Variants in SETD5 observed in about 807,000 individuals in gnomAD.
SETD5 encodes the protein histone-lysine N-methyltransferase SETD5.
In SETD5, 44 loss-of-function variants were observed where a neutral mutation model predicts 153.3. That is an observed-to-expected ratio of 0.29 (90% CI 0.23 to 0.37). The LOEUF (loss-of-function observed/expected upper bound fraction) is 0.37, where lower values mean the gene tolerates loss of function less well. Among genes scored for constraint, SETD5 ranks in the 10% least tolerant of loss-of-function variants. SETD5 has a pLI of 1.00. For missense variants in SETD5, 1,544 were observed against 1,768.0 expected (o/e 0.87, Z 2.27); for synonymous variants, 716 against 645.2 (o/e 1.11, Z -1.66).
At chr3:9,417,503 C>T (rs78470224) in intron 1 of SETD5, among the ~76,000 whole-genome samples, 8 of 150,452 alleles carry the variant, frequency 5.3e-5, no homozygotes, top group African/African-American at 2.0e-4. Context: ...TTTTTCCCCC[C>T]GAGACGGAGT....
intron 3 of SETD5, chr3:9,432,454 T>A (rs938457806): frequency 2.2e-5 from 5 of 226,230 alleles, no homozygotes; most frequent in Non-Finnish European, 3.7e-5. Context: ...AAAAATGACT[T>A]GTTATTTCAA....
chr3:9,459,288 C>A (rs997620749), intron 17 of SETD5, among the ~76,000 whole-genome samples: 8 of 151,944 alleles, frequency 5.3e-5, no homozygotes, highest in Admixed American at 1.3e-4. Flanking sequence ...AATTCCAACC[C>A]CAGGAATGGT....
intron 1 of SETD5, among the ~76,000 whole-genome samples, chr3:9,414,496 C>G (rs1263480585): frequency 6.6e-6 from 1 of 152,096 alleles, no homozygotes; most frequent in Non-Finnish European, 1.5e-5. Flanking sequence ...GGTGAAAGGG[C>G]CTTTCTAGAG....
rs745609275 is a variant in SETD5 at position 9,477,489 on chromosome 3, A to G, written c.*1398A>G. On this transcript the variant is annotated 3_prime_UTR_variant, in exon 23 of 23. Coordinates refer to ENST00000402198, the MANE Select transcript of SETD5 (RefSeq NM_001080517.3). ...AGTGGACCTTCTTTTCTTTTGGACA[A>G]GATAATACTGTGAGTTTCCCTCCTT... is the stretch of plus-strand genomic sequence containing the variant. The G allele has an allele frequency of 3.3e-5, 5 of 152,512 alleles. No homozygotes were observed. The highest frequency in any genetic ancestry group is 5.9e-5 in the Non-Finnish European group (4 of 68,046). The allele number at this position is 152,512 out of a possible 1,614,324, so 9.4% of individuals were successfully genotyped here. A position where few individuals can be genotyped will look rare whatever the true frequency, so the allele number is the denominator to read the frequency against.
At position 9,447,305 on chromosome 3, in the gene SETD5, G is replaced by A. The variant is rs2042131524; in HGVS notation, c.1780G>A (p.Gly594Arg). ...GVNTRRSSQA[G>R]DIAAEKLVPK... Reference sequence around the variant, plus strand: ...GAATACCCGGAGGTCTTCCCAAGCAGGGGTAAGAGTTGAAAAGACTTCAGC... The same window carrying A: ...GAATACCCGGAGGTCTTCCCAAGCAAGGGTAAGAGTTGAAAAGACTTCAGC... Residue 594 changes from glycine to arginine, a missense_variant and splice_region_variant, in exon 14 of 23, where the codon GGG becomes AGG. This residue lies in a region of SETD5 where 782 missense variants were observed against 787.2 expected (regional missense o/e 0.99). Coordinates refer to ENST00000402198, the MANE Select transcript of SETD5 (RefSeq NM_001080517.3). The A allele has an allele frequency of 6.2e-7, 1 of 1,611,606 alleles. No homozygotes were observed. Among genetic ancestry groups the A allele is most frequent in the African/African-American group, 1.3e-5 (1 of 74,736 alleles).
intron 17 of SETD5, among the ~76,000 whole-genome samples, chr3:9,462,835 A>G (rs1043459870): frequency 4.6e-5 from 7 of 152,160 alleles, no homozygotes; most frequent in South Asian, 2.1e-4. Context: ...TGGGGATGAT[A>G]ATAATAGTGC....
intron 18 of SETD5, among the ~76,000 whole-genome samples, chr3:9,467,720 T>TA (rs1015842464): frequency 3.9e-5 from 6 of 152,118 alleles, no homozygotes; most frequent in Non-Finnish European, 8.8e-5. Context: ...CCCATTTACA[T>TA]CTTTCCATTA....
intron 17 of SETD5, among the ~76,000 whole-genome samples, chr3:9,454,622 CAAAAAAAAAAAAA>C (rs67028533): frequency 2.9e-4 from 17 of 58,032 alleles, no homozygotes; most frequent in South Asian, 2.5e-3. Context: ...AACTCCGTCT[CAAAAAAAAAAAAA>C]AAAAAAAAAA....
chr3:9,461,752 C>G (rs540410339), intron 17 of SETD5, among the ~76,000 whole-genome samples: 72 of 152,174 alleles, frequency 4.7e-4, no homozygotes, highest in Non-Finnish European at 6.3e-4. Flanking sequence ...TATCTTATAA[C>G]TCCTTTCTAC....
In SETD5 at chr3:9,454,644, A is replaced by C. The variant is rs940471223; in HGVS notation, c.2476+776A>C. Reference sequence around the variant, plus strand: ...TCTCAAAAAAAAAAAAAAAAAAAAAAAAAAAACAAATTTTTTAAGACAGCT... The same window carrying C: ...TCTCAAAAAAAAAAAAAAAAAAAAACAAAAAACAAATTTTTTAAGACAGCT... On this transcript the variant is annotated intron_variant, in intron 17 of 22. Transcript: ENST00000402198. Among the ~76,000 whole-genome samples, 492 of 148,778 alleles carry C rather than the reference A, an allele frequency of 3.3e-3. 1 individual carries two copies. Among genetic ancestry groups the C allele is most frequent in the African/African-American group, 0.011 (450 of 41,050 alleles).
intron 10 of SETD5, 68 bp from the exon 11 acceptor site, chr3:9,443,240 G>GT (rs746271806): frequency 4.4e-6 from 5 of 1,141,730 alleles, no homozygotes; most frequent in Non-Finnish European, 6.4e-6. Flanking sequence ...AGAAAGTATG[G>GT]TTTTTTTCTC....
intron 1 of SETD5, among the ~76,000 whole-genome samples, chr3:9,419,845 A>G (rs2038105506): frequency 6.6e-6 from 1 of 152,230 alleles, no homozygotes; most frequent in Non-Finnish European, 1.5e-5. Context: ...TATAGTAAGT[A>G]AAAGTGGCTC....
At chr3:9,436,828 C>T in intron 7 of SETD5, 3 of 1,549,488 alleles carry the variant, frequency 1.9e-6, no homozygotes, top group Non-Finnish European at 2.6e-6. Context: ...GTTTGTTCTA[C>T]TTGTTTTCCT....
chr3:9,401,057 T>A (rs2034691333), intron 1 of SETD5, among the ~76,000 whole-genome samples: 1 of 152,246 alleles, frequency 6.6e-6, no homozygotes. Context: ...ATCTATAATT[T>A]GTAGTATCAC....
chr3:9,441,781 A>T (rs1441317955), intron 9 of SETD5, 40 bp downstream of exon 9: 1 of 1,611,958 alleles, frequency 6.2e-7, no homozygotes, highest in Non-Finnish European at 8.5e-7. Flanking sequence ...GCTAAGGTGG[A>T]CCTGGTTGAC....
At chr3:9,433,299 G>A in intron 3 of SETD5, 1 of 1,071,098 alleles carries the variant, frequency 9.3e-7, no homozygotes, top group East Asian at 6.0e-5. Flanking sequence ...TTTGAAAGGT[G>A]TTGGGGGTTC....
chr3:9,418,722 G>C (rs1243948200), intron 1 of SETD5, among the ~76,000 whole-genome samples: 2 of 151,540 alleles, frequency 1.3e-5, no homozygotes, highest in Admixed American at 1.3e-4. Context: ...AGAATTGCTT[G>C]AACCCGGGAG....
intron 17 of SETD5, among the ~76,000 whole-genome samples, chr3:9,454,600 C>A (rs1254474025): frequency 4.1e-5 from 4 of 96,744 alleles, no homozygotes; most frequent in African/African-American, 1.6e-4. Context: ...CCAGCCTGGG[C>A]GACAAGAATG....
In SETD5 at chr3:9,424,536, C is replaced by A. The variant is rs1261975123; in HGVS notation, c.-117+10C>A. The A allele has an allele frequency of 6.6e-6, 1 of 152,028 alleles. No individual in the cohort carries two copies. Among genetic ancestry groups the A allele is most frequent in the African/African-American group, 2.4e-5 (1 of 41,384 alleles). 9.4% of individuals were successfully genotyped at this position (152,028 alleles called of 1,614,324 possible). A position where few individuals can be genotyped will look rare whatever the true frequency, so the allele number is the denominator to read the frequency against. On this transcript the variant is annotated intron_variant, in intron 2 of 22. Transcript: ENST00000402198. Reference sequence around the variant, plus strand: ...AGAAGTCTATATAAAGGTGACTGACCCAAGTAAATCCTTTTAATTTCTGTT... The same window carrying A: ...AGAAGTCTATATAAAGGTGACTGACACAAGTAAATCCTTTTAATTTCTGTT...
Sources: gnomAD v4.1 joint callset for allele counts (sites outside exome capture counted in the v4.1 genomes callset) on GRCh38, gnomAD v4.1.1 for gene constraint, gnomAD v4.1.1 regional missense constraint, MANE v1.5 for transcripts, NCBI Gene and HGNC (gene_info 2026-07-23, HGNC 2026-07-21) for gene names.